Variants in LARGE1 observed in about 807,000 individuals in gnomAD.
LARGE1 encodes the protein xylosyl- and glucuronyltransferase LARGE1.
In LARGE1, 43 loss-of-function variants were observed where a neutral mutation model predicts 87.6. The observed-to-expected ratio is 0.49, with a 90% CI of 0.38 to 0.63. The LOEUF is 0.63. LARGE1 is among the 30% of genes least tolerant of loss of function. LARGE1 has a pLI of 0.00. For synonymous variants in LARGE1, 434 were observed against 394.6 expected (o/e 1.10, Z -1.18); for missense variants, 802 against 1,000.2 (o/e 0.80, Z 2.67).
At chr22:33,195,756 C>CTTT (rs71187249) in intron 11 of LARGE1, among the ~76,000 whole-genome samples, 7 of 130,732 alleles carry the variant, frequency 5.4e-5, no homozygotes, top group African/African-American at 1.5e-4. Context: ...TTTCTTTTTT[C>CTTT]TTTTTTTTTT....
At position 33,208,178 on chromosome 22, in the gene LARGE1, G is replaced by GTTCTA. The variant is rs1462221668; in HGVS notation, c.1731-41347_1731-41346insTAGAA. The stretch of plus-strand genomic sequence containing the variant: ...ATCTTATTATACCTGTTTAGATGCA[G>GTTCTA]GTGTTCTAGAAAAGAGAGGAATTAG... On this transcript the variant is annotated intron_variant, in intron 11 of 11. Coordinates refer to the LARGE1 transcript ENST00000608642. 1.7e-4 allele frequency among the ~76,000 whole-genome samples: 26 copies of GTTCTA among 151,774 alleles called. 1 individual carries two copies. The East Asian group carries it at 5.0e-3, about 29-fold the overall frequency.
chr22:33,486,284 G>T (rs985615729), intron 6 of LARGE1, among the ~76,000 whole-genome samples: 5 of 152,214 alleles, frequency 3.3e-5, no homozygotes, highest in Non-Finnish European at 1.5e-5. Context: ...AGCCTCTACA[G>T]AGAAGACAGC....
intron 6 of LARGE1, among the ~76,000 whole-genome samples, chr22:33,535,309 C>T (rs187349792): frequency 4.3e-4 from 66 of 152,176 alleles, no homozygotes; most frequent in East Asian, 3.5e-3. Context: ...TTTGGGAGGC[C>T]GAGGTGGGTG....
At chr22:33,244,503 A>G (rs2145696518) in intron 11 of LARGE1, among the ~76,000 whole-genome samples, 1 of 152,252 alleles carries the variant, frequency 6.6e-6, no homozygotes, top group Non-Finnish European at 1.5e-5. Flanking sequence ...GCCCCATTTT[A>G]TCCAAAATTC....
chr22:33,640,136 G>A (rs562231690), intron 3 of LARGE1, among the ~76,000 whole-genome samples: 1 of 152,346 alleles, frequency 6.6e-6, no homozygotes, highest in Non-Finnish European at 1.5e-5. Context: ...AAAGCGCTGT[G>A]ATGAAGGGAG....
At chr22:33,173,855 C>A (rs1922712956) in intron 11 of LARGE1, among the ~76,000 whole-genome samples, 1 of 152,072 alleles carries the variant, frequency 6.6e-6, no homozygotes, top group Non-Finnish European at 1.5e-5. Flanking sequence ...TTCTTAGAGG[C>A]CTACAAAGAA....
At chr22:33,144,041 T>A in the LARGE1 span, among the ~76,000 whole-genome samples, 1 of 152,342 alleles carries the variant, frequency 6.6e-6, no homozygotes, top group African/African-American at 2.4e-5. Context: ...GTTTACTCTT[T>A]ATTTTCTTTG....
chr22:33,433,052 T>C (rs2067139434), intron 6 of LARGE1, among the ~76,000 whole-genome samples: 2 of 152,206 alleles, frequency 1.3e-5, no homozygotes, highest in South Asian at 4.1e-4. Flanking sequence ...CCTTCACATC[T>C]GATCCACCTG....
chr22:33,202,046 G>T (rs1432192993), intron 11 of LARGE1, among the ~76,000 whole-genome samples: 1 of 151,978 alleles, frequency 6.6e-6, no homozygotes, highest in Non-Finnish European at 1.5e-5. Flanking sequence ...TGAGGCAGGA[G>T]GATCACTTGA....
chr22:33,871,875 G>A (rs916034816), intron 1 of LARGE1, among the ~76,000 whole-genome samples: 4 of 151,384 alleles, frequency 2.6e-5, no homozygotes, highest in African/African-American at 9.7e-5. Flanking sequence ...AAAATTTAAG[G>A]TCAGAGGCTT....
chr22:33,537,876 C>T (rs929516682), intron 6 of LARGE1, among the ~76,000 whole-genome samples: 2 of 152,154 alleles, frequency 1.3e-5, no homozygotes, highest in African/African-American at 4.8e-5. Flanking sequence ...TGGCCCTATA[C>T]AGGGTACTTT....
At chr22:33,631,157 GTC>G (rs1569326480) in intron 3 of LARGE1, among the ~76,000 whole-genome samples, 20 of 46,038 alleles carry the variant, frequency 4.3e-4, no homozygotes, top group Admixed American at 3.0e-3. Context: ...CCAGCCAACT[GTC>G]TATTTTTTTT....
At chr22:33,802,080 A>T (rs1266701006) in intron 1 of LARGE1, among the ~76,000 whole-genome samples, 1 of 152,116 alleles carries the variant, frequency 6.6e-6, no homozygotes, top group Non-Finnish European at 1.5e-5. Flanking sequence ...CAAAGGAATG[A>T]TTTGGTTGAG....
chr22:33,571,052 G>T (rs1021122126), intron 5 of LARGE1, among the ~76,000 whole-genome samples: 15 of 152,134 alleles, frequency 9.9e-5, no homozygotes, highest in African/African-American at 3.4e-4. Flanking sequence ...TAATTAAAAT[G>T]ATAATAAAAA....
At chr22:33,542,778 C>T (rs2077249073) in intron 6 of LARGE1, among the ~76,000 whole-genome samples, 1 of 151,908 alleles carries the variant, frequency 6.6e-6, no homozygotes, top group African/African-American at 2.4e-5. Context: ...ATTTATTTTA[C>T]TAATCATTCA....
chr22:33,854,578 G>A (rs1300566150), intron 1 of LARGE1, among the ~76,000 whole-genome samples: 1 of 151,636 alleles, frequency 6.6e-6, no homozygotes, highest in East Asian at 1.9e-4. Flanking sequence ...TCCAAAGCAA[G>A]TAAAAATAAG....
chr22:33,610,646 T>C (rs1201035731), intron 4 of LARGE1, among the ~76,000 whole-genome samples: 1 of 152,076 alleles, frequency 6.6e-6, no homozygotes, highest in Non-Finnish European at 1.5e-5. Flanking sequence ...TGGTGGTGGG[T>C]GGTGGGGGAG....
intron 11 of LARGE1, among the ~76,000 whole-genome samples, chr22:33,198,405 CA>C (rs1924189746): frequency 6.6e-6 from 1 of 151,982 alleles, no homozygotes; most frequent in African/African-American, 2.4e-5. Context: ...GCTGCAGCCT[CA>C]AACTCCTCTT....
intron 10 of LARGE1, among the ~76,000 whole-genome samples, chr22:33,323,005 C>T (rs1481883926): frequency 2.0e-5 from 3 of 152,072 alleles, no homozygotes; most frequent in Non-Finnish European, 4.4e-5. Context: ...GCCTCTAGTC[C>T]CAGCTACTTG....
Sources: gnomAD v4.1 joint callset for allele counts (sites outside exome capture counted in the v4.1 genomes callset) on GRCh38, gnomAD v4.1.1 for gene constraint, MANE v1.5 for transcripts, NCBI Gene and HGNC (gene_info 2026-07-23, HGNC 2026-07-21) for gene names.